WWP1: variants seen among roughly 807,000 people sequenced by gnomAD.
WWP1 encodes the protein WW domain containing E3 ubiquitin protein ligase 1.
A neutral mutation model predicts 130.6 loss-of-function variants in WWP1; 49 were observed. The observed-to-expected ratio is 0.38, with a 90% CI of 0.30 to 0.48. The LOEUF (loss-of-function observed/expected upper bound fraction) is 0.48. Among genes scored for constraint, WWP1 ranks in the 20% least tolerant of loss-of-function variants. The probability of loss-of-function intolerance (pLI) is 0.99; values close to 1 mark genes in which losing one functional copy is unlikely to be tolerated. For synonymous variants in WWP1, 332 were observed against 367.8 expected (o/e 0.90, Z 1.11); for missense variants, 809 against 1,100.6 (o/e 0.74, Z 3.75).
chr8:86,381,458 T>A (rs761216213), intron 4 of WWP1, 47 bp from the exon 5 acceptor site: 2 of 1,556,960 alleles, frequency 1.3e-6, no homozygotes, highest in South Asian at 2.5e-5. Context: ...ATTAATAGAA[T>A]GACAACGTCT....
chr8:86,463,956 G>A (rs946549147), intron 24 of WWP1, among the ~76,000 whole-genome samples: 11 of 151,946 alleles, frequency 7.2e-5, no homozygotes, highest in Non-Finnish European at 5.9e-5. Context: ...AGCTACTCTG[G>A]AGGCTGAGGT....
intron 3 of WWP1, among the ~76,000 whole-genome samples, chr8:86,375,000 ACT>A (rs1466776719): frequency 6.6e-6 from 1 of 152,052 alleles, no homozygotes; most frequent in African/African-American, 2.4e-5. Flanking sequence ...CTGGCCTGTA[ACT>A]CTCTCCTCTT....
chr8:86,381,834 T>G (rs987555242), intron 5 of WWP1, among the ~76,000 whole-genome samples: 2 of 152,222 alleles, frequency 1.3e-5, no homozygotes, highest in African/African-American at 2.4e-5. Context: ...CAAGGTAATC[T>G]CAGTCATCCA....
At chr8:86,452,104 G>A (rs1811204934) in intron 20 of WWP1, among the ~76,000 whole-genome samples, 1 of 152,098 alleles carries the variant, frequency 6.6e-6, no homozygotes, top group East Asian at 1.9e-4. Flanking sequence ...CCTTGCTGGT[G>A]TGGAAGGCTT....
intron 5 of WWP1, among the ~76,000 whole-genome samples, chr8:86,390,511 G>A (rs1037911566): frequency 1.3e-5 from 2 of 152,166 alleles, no homozygotes; most frequent in Non-Finnish European, 2.9e-5. Context: ...CGTCCAACAC[G>A]GCGAAACCCC....
At chr8:86,447,889 G>A (rs774469907) in intron 18 of WWP1, among the ~76,000 whole-genome samples, 1 of 151,954 alleles carries the variant, frequency 6.6e-6, no homozygotes, top group African/African-American at 2.4e-5. Context: ...ATTGAGGCAG[G>A]GTATGGTAAT....
intron 7 of WWP1, among the ~76,000 whole-genome samples, 179 bp from the exon 8 acceptor site, chr8:86,401,836 CTATT>C (rs1260332592): frequency 6.6e-6 from 1 of 151,902 alleles, no homozygotes; most frequent in Non-Finnish European, 1.5e-5. Context: ...GTTCATTACT[CTATT>C]TACCTATCAT....
intron 1 of WWP1, among the ~76,000 whole-genome samples, chr8:86,366,596 C>T (rs919199911): frequency 2.6e-5 from 4 of 152,194 alleles, no homozygotes; most frequent in South Asian, 4.2e-4. Context: ...ATTTGCAGGT[C>T]ACATGGAAAT....
chr8:86,461,316 C>G lies in WWP1; in HGVS notation c.2592C>G (p.Leu864=), dbSNP rs1326432928. 1 of 1,613,176 alleles carries G rather than the reference C, an allele frequency of 6.2e-7. No homozygotes were observed. Among genetic ancestry groups the G allele is most frequent in the South Asian group, 1.1e-5 (1 of 91,048 alleles). The change falls in exon 23 of 25, where the codon CTC becomes CTG. Residue 864 remains leucine (L), a synonymous_variant. Transcript: ENST00000517970. ...CRLPLGGFAE[L]MGSNGPQKFC... ...TACCTCTAGGAGGATTTGCTGAGCTCATGGGTAAATGTAATTTCACTGTAA... is the reference window on the plus strand; with the variant it reads ...TACCTCTAGGAGGATTTGCTGAGCTGATGGGTAAATGTAATTTCACTGTAA...
chr8:86,342,966 T>C, intron 1 of WWP1, 36 bp downstream of exon 1: 1 of 118,024 alleles, frequency 8.5e-6, no homozygotes. Context: ...GGGGTGCGAA[T>C]GGGCAGGGCG....
chr8:86,401,544 G>A (rs1181789606), intron 7 of WWP1, among the ~76,000 whole-genome samples: 1 of 91,600 alleles, frequency 1.1e-5, no homozygotes, highest in African/African-American at 5.0e-5. Flanking sequence ...GTGAGATCCT[G>A]TCTCTAAAAA....
At chr8:86,417,234 C>G (rs1808939221) in intron 9 of WWP1, 1 of 152,090 alleles carries the variant, frequency 6.6e-6, no homozygotes, top group African/African-American at 2.4e-5. Context: ...CCGGGATGCC[C>G]CAGCACAAGC....
intron 5 of WWP1, among the ~76,000 whole-genome samples, chr8:86,395,007 AAT>A (rs1397127870): frequency 1.3e-5 from 2 of 151,528 alleles, no homozygotes; most frequent in African/African-American, 4.8e-5. Context: ...ACAGAATTAG[AAT>A]AGTCTGCCAT....
intron 5 of WWP1, among the ~76,000 whole-genome samples, chr8:86,396,625 G>A (rs988502901): frequency 3.4e-5 from 5 of 145,936 alleles, no homozygotes; most frequent in Admixed American, 7.0e-5. Flanking sequence ...ACAGGGTCTC[G>A]CTCTATTACT....
chr8:86,423,775 C>A (rs895248326), intron 9 of WWP1, among the ~76,000 whole-genome samples: 1 of 151,582 alleles, frequency 6.6e-6, no homozygotes, highest in Non-Finnish European at 1.5e-5. Flanking sequence ...GGCAGAGGGG[C>A]TCCTCACTTC....
chr8:86,399,545 A>T (rs1807855820), intron 7 of WWP1, among the ~76,000 whole-genome samples: 1 of 152,232 alleles, frequency 6.6e-6, no homozygotes, highest in South Asian at 2.1e-4. Flanking sequence ...AGTTACTAGT[A>T]TCGTTTCTTC....
intron 1 of WWP1, chr8:86,343,434 C>T (rs2130023939): frequency 6.6e-6 from 1 of 151,310 alleles, no homozygotes; most frequent in South Asian, 2.1e-4. Flanking sequence ...TCCCCCGCCC[C>T]CCCAGCGCAA....
intron 17 of WWP1, among the ~76,000 whole-genome samples, chr8:86,439,936 C>G (rs1162399516): frequency 6.6e-6 from 1 of 152,090 alleles, no homozygotes; most frequent in Admixed American, 6.6e-5. Flanking sequence ...GATACAGAAC[C>G]AAGTACAACT....
At chr8:86,430,563 C>A in intron 11 of WWP1, 134 bp from the exon 12 acceptor site, 1 of 533,060 alleles carries the variant, frequency 1.9e-6, no homozygotes, top group Non-Finnish European at 2.9e-6. Flanking sequence ...AGGCATGAGC[C>A]ACTGCGCCCA....
Sources: gnomAD v4.1 joint callset for allele counts (sites outside exome capture counted in the v4.1 genomes callset) on GRCh38, gnomAD v4.1.1 for gene constraint, MANE v1.5 for transcripts, NCBI Gene and HGNC (gene_info 2026-07-23, HGNC 2026-07-21) for gene names.